The following RPS6KC1 variants were observed in gnomAD, a reference collection of about 807,000 sequenced individuals.
RPS6KC1 encodes ribosomal protein S6 kinase C1.
In RPS6KC1, 54 loss-of-function variants were observed where a neutral mutation model predicts 103.8. The ratio of observed to expected loss-of-function variants is 0.52; its 90% confidence interval spans 0.42 to 0.65. The LOEUF (loss-of-function observed/expected upper bound fraction) is 0.65, where lower values mean the gene tolerates loss of function less well. Among genes scored for constraint, RPS6KC1 ranks in the 30% least tolerant of loss-of-function variants. The pLI, the probability that RPS6KC1 is intolerant of heterozygous loss-of-function variation, is 0.00. For missense variants in RPS6KC1, 1,151 were observed against 1,253.8 expected (o/e 0.92, Z 1.24); for synonymous variants, 439 against 438.7 (o/e 1.00, Z -0.01).
At chr1:213,603,826 C>G in the RPS6KC1 span, among the ~76,000 whole-genome samples, 1 of 151,850 alleles carries the variant, frequency 6.6e-6, no homozygotes, top group Non-Finnish European at 1.5e-5. Context: ...CCCCACTGTA[C>G]TCCAGCCCGG....
intron 12 of RPS6KC1, among the ~76,000 whole-genome samples, chr1:213,249,963 C>A (rs775615049): frequency 4.6e-5 from 7 of 152,060 alleles, no homozygotes; most frequent in Non-Finnish European, 2.9e-5. Flanking sequence ...CAGGTCACCA[C>A]GACAACAAGA....
the RPS6KC1 span, among the ~76,000 whole-genome samples, chr1:213,490,383 C>T: frequency 1.3e-5 from 2 of 152,118 alleles, no homozygotes; most frequent in Non-Finnish European, 2.9e-5. Flanking sequence ...CTGAAGAGTC[C>T]AAGATTGTTT....
chr1:213,709,798 G>A, the RPS6KC1 span, among the ~76,000 whole-genome samples: 12 of 152,098 alleles, frequency 7.9e-5, no homozygotes, highest in African/African-American at 7.2e-5. Flanking sequence ...TTCAGGAGCC[G>A]GTTGTTCAGT....
chr1:213,147,587 T>C (rs750093074), intron 6 of RPS6KC1, among the ~76,000 whole-genome samples: 3 of 152,248 alleles, frequency 2.0e-5, no homozygotes, highest in Non-Finnish European at 4.4e-5. Context: ...CTTGCTGTTT[T>C]GGTTACAATG....
At chr1:213,400,518 C>A in the RPS6KC1 span, among the ~76,000 whole-genome samples, 1 of 152,068 alleles carries the variant, frequency 6.6e-6, no homozygotes, top group Non-Finnish European at 1.5e-5. Context: ...CTCTTCCCTG[C>A]CAGACACCCC....
intron 3 of RPS6KC1, among the ~76,000 whole-genome samples, chr1:213,101,264 C>T (rs2148747333): frequency 6.6e-6 from 1 of 152,278 alleles, no homozygotes; most frequent in East Asian, 1.9e-4. Context: ...CCTTTGCCCA[C>T]TTAATGCCAT....
chr1:213,531,501 C>A, the RPS6KC1 span, among the ~76,000 whole-genome samples: 2 of 152,156 alleles, frequency 1.3e-5, no homozygotes, highest in Admixed American at 1.3e-4. Flanking sequence ...GCCTACGGCA[C>A]AGGTAAGGTC....
intron 6 of RPS6KC1, among the ~76,000 whole-genome samples, chr1:213,130,245 T>G (rs2085454628): frequency 6.6e-6 from 1 of 152,186 alleles, no homozygotes; most frequent in African/African-American, 2.4e-5. Context: ...AGATTCTTGA[T>G]GACCTGAAGA....
At chr1:213,285,347 G>GC in the RPS6KC1 span, among the ~76,000 whole-genome samples, 1 of 146,406 alleles carries the variant, frequency 6.8e-6, no homozygotes, top group Non-Finnish European at 1.6e-5. Context: ...TGTCATACTG[G>GC]GGGGTAGGAT....
At chr1:213,065,336 G>T (rs1442879484) in intron 1 of RPS6KC1, among the ~76,000 whole-genome samples, 1 of 152,146 alleles carries the variant, frequency 6.6e-6, no homozygotes, top group African/African-American at 2.4e-5. Flanking sequence ...GGAATTTATT[G>T]GTTGAACTTT....
chr1:213,489,385 G>C, the RPS6KC1 span, among the ~76,000 whole-genome samples: 1 of 152,198 alleles, frequency 6.6e-6, no homozygotes, highest in Non-Finnish European at 1.5e-5. Flanking sequence ...TGGGGGTTGT[G>C]GGGCAGGGAC....
At chr1:213,253,360 G>A (rs906743535) in intron 12 of RPS6KC1, among the ~76,000 whole-genome samples, 3 of 152,162 alleles carry the variant, frequency 2.0e-5, no homozygotes, top group Non-Finnish European at 4.4e-5. Context: ...ACACATATCT[G>A]TAAATGTGGA....
the RPS6KC1 span, among the ~76,000 whole-genome samples, chr1:213,303,079 T>C: frequency 6.6e-6 from 1 of 152,184 alleles, no homozygotes; most frequent in Admixed American, 6.5e-5. Context: ...TTCTCTGCTT[T>C]GTTACCACAA....
chr1:213,594,317 A>G, the RPS6KC1 span, among the ~76,000 whole-genome samples: 1 of 152,246 alleles, frequency 6.6e-6, no homozygotes, highest in Admixed American at 6.5e-5. Context: ...ATTTAGCGCA[A>G]AAAGGGGTAA....
At chr1:213,541,486 A>G in the RPS6KC1 span, among the ~76,000 whole-genome samples, 7 of 152,198 alleles carry the variant, frequency 4.6e-5, no homozygotes, top group South Asian at 1.5e-3. Flanking sequence ...ACGCAAACAA[A>G]CAACAAAAAC....
At chr1:213,423,620 C>G in the RPS6KC1 span, among the ~76,000 whole-genome samples, 3 of 152,222 alleles carry the variant, frequency 2.0e-5, no homozygotes, top group Admixed American at 6.5e-5. Context: ...CCTTCTCTCT[C>G]TAGGTAGCTG....
the RPS6KC1 span, among the ~76,000 whole-genome samples, chr1:213,306,850 C>A: frequency 6.6e-6 from 1 of 152,146 alleles, no homozygotes; most frequent in African/African-American, 2.4e-5. Flanking sequence ...ATGGAACTTA[C>A]AGTATCAATA....
At chr1:213,334,163 G>C in the RPS6KC1 span, among the ~76,000 whole-genome samples, 3 of 152,186 alleles carry the variant, frequency 2.0e-5, no homozygotes, top group Non-Finnish European at 2.9e-5. Flanking sequence ...TGCTTCACAT[G>C]AATGAACTCA....
chr1:213,433,226 G>T, the RPS6KC1 span, among the ~76,000 whole-genome samples: 1 of 152,164 alleles, frequency 6.6e-6, no homozygotes, highest in African/African-American at 2.4e-5. Context: ...TGACTTGTCT[G>T]ATATGATCAC....
Sources: allele counts gnomAD v4.1 joint callset (sites outside exome capture counted in the v4.1 genomes callset), GRCh38; gene constraint gnomAD v4.1.1; transcripts MANE v1.5; gene names NCBI Gene and HGNC (gene_info 2026-07-23, HGNC 2026-07-21).